Variants in INPP5B observed in about 807,000 individuals in gnomAD.
INPP5B encodes the protein type II inositol 1,4,5-trisphosphate 5-phosphatase.
Under a neutral mutation model 118.5 loss-of-function variants are expected in INPP5B, and 90 were observed. The ratio of observed to expected loss-of-function variants is 0.76; its 90% confidence interval spans 0.64 to 0.90. The LOEUF (loss-of-function observed/expected upper bound fraction) is 0.90, where lower values mean the gene tolerates loss of function less well. Ranked by LOEUF, INPP5B falls within the 40% of genes least tolerant of loss-of-function variation. The pLI is 0.00. For synonymous variants in INPP5B, 385 were observed against 418.9 expected (o/e 0.92, Z 0.99); for missense variants, 984 against 1,125.6 (o/e 0.87, Z 1.80).
intron 11 of INPP5B, 139 bp from the exon 12 acceptor site, chr1:37,887,143 T>G (rs973674262): frequency 6.4e-6 from 5 of 779,806 alleles, no homozygotes; most frequent in Admixed American, 4.6e-5. Flanking sequence ...ATCTGTTCAA[T>G]TCACCAAGCA....
intron 7 of INPP5B, among the ~76,000 whole-genome samples, chr1:37,896,670 A>G (rs1570165310): frequency 3.0e-5 from 3 of 100,024 alleles, no homozygotes; most frequent in Admixed American, 1.0e-4. Flanking sequence ...GGCCGCCCCT[A>G]CTGGGAAGTG....
intron 7 of INPP5B, among the ~76,000 whole-genome samples, chr1:37,925,661 G>A (rs1645200469): frequency 1.3e-5 from 2 of 152,104 alleles, no homozygotes; most frequent in South Asian, 4.2e-4. Context: ...GTCCCTCCCT[G>A]AGGATTTTTC....
chr1:37,924,753 G>C (rs989374029), intron 7 of INPP5B, among the ~76,000 whole-genome samples: 2 of 151,830 alleles, frequency 1.3e-5, no homozygotes, highest in African/African-American at 2.4e-5. Flanking sequence ...AAAACAAAAA[G>C]AGGCTGCGCA....
chr1:37,892,815 G>A (rs140981955), intron 7 of INPP5B, among the ~76,000 whole-genome samples: 7 of 152,112 alleles, frequency 4.6e-5, no homozygotes, highest in Admixed American at 1.3e-4. Context: ...TTAGGTGTGA[G>A]GTGTTTAGGT....
intron 3 of INPP5B, among the ~76,000 whole-genome samples, chr1:37,944,386 T>G (rs1209566089): frequency 6.6e-6 from 1 of 152,128 alleles, no homozygotes; most frequent in Non-Finnish European, 1.5e-5. Context: ...CTAGACAACA[T>G]TTATGGAGCA....
At chr1:37,942,042 A>T (rs1645949395) in intron 5 of INPP5B, 1 of 143,272 alleles carries the variant, frequency 7.0e-6, no homozygotes, top group Non-Finnish European at 1.5e-5. Context: ...TCTTGGTTCC[A>T]CCCCTTACTA....
At position 37,888,685 on chromosome 1, in the gene INPP5B, T is replaced by C. The variant is rs538604495; in HGVS notation, c.798-341A>G. ...TGAAAAGTGCTTTGGTAATTACTTT[T>C]GGCAAGAAAGCAACACCAGTATTCA... On this transcript the variant is annotated intron_variant, in intron 9 of 23. Coordinates refer to ENST00000373024, the MANE Select transcript of INPP5B (RefSeq NM_005540.3). Among the ~76,000 whole-genome samples, 8 of 152,238 alleles carry C rather than the reference T, an allele frequency of 5.3e-5. 1 individual carries two copies. In the South Asian group the frequency reaches 1.7e-3, roughly 31 times the overall value.
intron 19 of INPP5B, among the ~76,000 whole-genome samples, chr1:37,871,380 C>T (rs1435516478): frequency 1.3e-5 from 2 of 151,652 alleles, no homozygotes; most frequent in African/African-American, 4.9e-5. Context: ...ATCGTTTGAA[C>T]CTGGGAGGCA....
At position 37,936,026 on chromosome 1, in the gene INPP5B, A is replaced by G. The variant is rs543545209; in HGVS notation, c.392-3973T>C. Among the ~76,000 whole-genome samples, 6 of 152,250 alleles carry G rather than the reference A, an allele frequency of 3.9e-5. No individual in the cohort carries two copies. In the East Asian group the frequency reaches 1.2e-3, roughly 29 times the overall value. ...GCTTGCAGTAAGCCGAGATCACGCC[A>G]CTGCACTCCAGCCTGGGCGACAGAG... On this transcript the variant is annotated intron_variant, in intron 6 of 23. Transcript: ENST00000373024.
intron 7 of INPP5B, among the ~76,000 whole-genome samples, chr1:37,918,124 T>C (rs1644936966): frequency 6.6e-6 from 1 of 152,112 alleles, no homozygotes; most frequent in Admixed American, 6.5e-5. Context: ...TAGTCATCCA[T>C]TTCTTCAGTC....
rs1641732821 is a variant in INPP5B at position 37,862,087 on chromosome 1, G to C, written c.*228C>G. 1 of 452,414 alleles carries C rather than the reference G, an allele frequency of 2.2e-6. No homozygotes were observed. Among genetic ancestry groups the C allele is most frequent in the Non-Finnish European group, 3.9e-6 (1 of 256,200 alleles). 28.0% of individuals were successfully genotyped at this position (452,414 alleles called of 1,614,324 possible). On this transcript the variant is annotated 3_prime_UTR_variant, in exon 24 of 24. Coordinates refer to ENST00000373024, the MANE Select transcript of INPP5B (RefSeq NM_005540.3). ...AAATCTGTGTTAAATAACTAAAGTT[G>C]AAAATTGAATGTCAGTTTTATTATG...
intron 20 of INPP5B, among the ~76,000 whole-genome samples, chr1:37,868,217 G>A (rs1378654455): frequency 2.6e-5 from 4 of 151,776 alleles, no homozygotes; most frequent in Admixed American, 2.6e-4. Flanking sequence ...GGAGACTGAG[G>A]CGGGAGAATC....
chr1:37,930,749 G>C (rs1221396679), intron 7 of INPP5B: 1 of 152,238 alleles, frequency 6.6e-6, no homozygotes, highest in Non-Finnish European at 1.5e-5. Flanking sequence ...ACAAACTCTT[G>C]TGCAACATGC....
At chr1:37,896,092 A>C (rs1485480978) in intron 7 of INPP5B, among the ~76,000 whole-genome samples, 4 of 125,976 alleles carry the variant, frequency 3.2e-5, no homozygotes, top group South Asian at 2.6e-4. Context: ...GGCCGCCATC[A>C]CATCTGGGAA....
Position 37,894,264 on chromosome 1 carries a change from T to A in INPP5B, c.533-2810A>T, listed in dbSNP as rs138595664. Among the ~76,000 whole-genome samples the A allele has an allele frequency of 1.3e-3, 204 of 152,268 alleles. 1 individual carries two copies. The highest frequency in any genetic ancestry group is 4.8e-3 in the African/African-American group (201 of 41,560). ...CCTGCTATAGGCCATATCTTAGAGGTCATTTCCTCCAAGAAGACTTCTCTA... is the reference window on the plus strand; with the variant it reads ...CCTGCTATAGGCCATATCTTAGAGGACATTTCCTCCAAGAAGACTTCTCTA... On this transcript the variant is annotated intron_variant, in intron 7 of 23. Coordinates refer to ENST00000373024, the MANE Select transcript of INPP5B (RefSeq NM_005540.3).
chr1:37,916,723 G>T (rs2148619053), intron 7 of INPP5B, among the ~76,000 whole-genome samples: 1 of 152,188 alleles, frequency 6.6e-6, no homozygotes, highest in South Asian at 2.1e-4. Context: ...GCCAGTCTGG[G>T]CTTTTTCTAA....
intron 12 of INPP5B, among the ~76,000 whole-genome samples, chr1:37,886,190 C>CAA (rs377084861): frequency 1.4e-5 from 2 of 142,332 alleles, no homozygotes; most frequent in Non-Finnish European, 3.1e-5. Context: ...AACAAACAAA[C>CAA]AAAAAAAAAA....
chr1:37,896,417 G>A (rs1644069402), intron 7 of INPP5B, among the ~76,000 whole-genome samples: 1 of 151,486 alleles, frequency 6.6e-6, no homozygotes, highest in African/African-American at 2.4e-5. Context: ...GTCCGGGAGG[G>A]AGGTGGGGGG....
chr1:37,923,941 C>T (rs1410328281), intron 7 of INPP5B, among the ~76,000 whole-genome samples: 1 of 151,784 alleles, frequency 6.6e-6, no homozygotes, highest in Non-Finnish European at 1.5e-5. Context: ...CCACACCTGG[C>T]TAATTTTTGT....
Sources: allele counts gnomAD v4.1 joint callset (sites outside exome capture counted in the v4.1 genomes callset), GRCh38; gene constraint gnomAD v4.1.1; transcripts MANE v1.5; gene names NCBI Gene and HGNC (gene_info 2026-07-23, HGNC 2026-07-21).